The following ASTN2 variants were observed in gnomAD, a reference collection of about 807,000 sequenced individuals.
The protein encoded by ASTN2 is astrotactin 2, also known as astrotactin-2.
Under a neutral mutation model 139.8 loss-of-function variants are expected in ASTN2, and 54 were observed. That is an observed-to-expected ratio of 0.39 (90% CI 0.31 to 0.48). The LOEUF is 0.48. Ranked by LOEUF, ASTN2 falls within the 20% of genes least tolerant of loss-of-function variation. The pLI is 0.95. For missense variants in ASTN2, 1,565 were observed against 1,725.1 expected, an observed-to-expected ratio of 0.91 and a Z score of 1.64; for synonymous variants, 756 against 719.5, an observed-to-expected ratio of 1.05 and a Z score of -0.81.
chr9:116,897,147 G>C (rs1281147863), intron 10 of ASTN2, among the ~76,000 whole-genome samples: 1 of 152,218 alleles, frequency 6.6e-6, no homozygotes, highest in Non-Finnish European at 1.5e-5. Flanking sequence ...CAGGCAGACA[G>C]ATTTAGGTGC....
intron 3 of ASTN2, among the ~76,000 whole-genome samples, chr9:117,193,838 A>G (rs1831416737): frequency 6.6e-6 from 1 of 152,072 alleles, no homozygotes. Context: ...GGCACAGTCA[A>G]ATGGGAGCTG....
chr9:116,439,482 G>GTTTTCT (rs1847776558), intron 22 of ASTN2, among the ~76,000 whole-genome samples: 18 of 139,856 alleles, frequency 1.3e-4, no homozygotes, highest in African/African-American at 5.1e-4. Flanking sequence ...TTACAGGCGT[G>GTTTTCT]AGCCACCGCG....
chr9:117,122,679 G>C (rs1169085873), intron 4 of ASTN2, among the ~76,000 whole-genome samples: 1 of 152,124 alleles, frequency 6.6e-6, no homozygotes, highest in Non-Finnish European at 1.5e-5. Context: ...CCTCCCTTTT[G>C]CTTGTTCAAC....
At chr9:116,524,759 GT>G in intron 19 of ASTN2, among the ~76,000 whole-genome samples, 1 of 152,320 alleles carries the variant, frequency 6.6e-6, no homozygotes, top group East Asian at 1.9e-4. Context: ...TCACATGAAA[GT>G]TGGCATTCCT....
intron 13 of ASTN2, among the ~76,000 whole-genome samples, chr9:116,760,659 G>A (rs1243223674): frequency 6.6e-6 from 1 of 152,044 alleles, no homozygotes; most frequent in Non-Finnish European, 1.5e-5. Flanking sequence ...TCTAGATTGT[G>A]CCTGGGGAAG....
intron 5 of ASTN2, among the ~76,000 whole-genome samples, chr9:117,077,612 G>T (rs1828314951): frequency 6.6e-6 from 1 of 152,144 alleles, no homozygotes; most frequent in African/African-American, 2.4e-5. Context: ...GGAAGCCATG[G>T]TGGCAAGCAC....
At chr9:117,037,170 G>A (rs747281990) in intron 6 of ASTN2, among the ~76,000 whole-genome samples, 4 of 151,986 alleles carry the variant, frequency 2.6e-5, no homozygotes, top group Non-Finnish European at 4.4e-5. Flanking sequence ...TGCCCTCACA[G>A]AGATTCCAGT....
chr9:116,811,008 TTCTTTTA>T (rs1369716943), intron 12 of ASTN2, among the ~76,000 whole-genome samples: 2 of 152,180 alleles, frequency 1.3e-5, no homozygotes, highest in African/African-American at 2.4e-5. Context: ...CTCATTAAAT[TTCTTTTA>T]TCTTTTATGT....
chr9:116,981,885 T>C (rs894820529), intron 7 of ASTN2, among the ~76,000 whole-genome samples: 2 of 152,222 alleles, frequency 1.3e-5, no homozygotes, highest in Admixed American at 6.5e-5. Context: ...GGGAATTCAA[T>C]TGGATGGTTT....
At chr9:116,703,525 A>G (rs1467628407) in intron 16 of ASTN2, among the ~76,000 whole-genome samples, 1 of 144,766 alleles carries the variant, frequency 6.9e-6, no homozygotes, top group Non-Finnish European at 1.5e-5. Context: ...GAATTGAACA[A>G]TGAGATCACA....
chr9:117,090,394 G>T (rs527688920), intron 5 of ASTN2, among the ~76,000 whole-genome samples: 2 of 152,128 alleles, frequency 1.3e-5, no homozygotes, highest in South Asian at 4.2e-4. Context: ...GATGGCTACA[G>T]TTCTGTGCTT....
At chr9:117,317,673 G>A (rs952925485) in intron 1 of ASTN2, among the ~76,000 whole-genome samples, 2 of 152,142 alleles carry the variant, frequency 1.3e-5, no homozygotes, top group African/African-American at 4.8e-5. Flanking sequence ...AAGTGCCCCT[G>A]GGAGTCTGTA....
intron 5 of ASTN2, among the ~76,000 whole-genome samples, chr9:117,066,563 T>A (rs1827950736): frequency 6.6e-6 from 1 of 150,548 alleles, no homozygotes; most frequent in African/African-American, 2.4e-5. Flanking sequence ...CAAATGGTAT[T>A]TCTAGTTCTA....
intron 2 of ASTN2, among the ~76,000 whole-genome samples, chr9:117,241,883 G>A (rs1020018015): frequency 2.0e-5 from 3 of 150,364 alleles, no homozygotes; most frequent in African/African-American, 7.3e-5. Flanking sequence ...TCAGCCAATT[G>A]TCACCATCCA....
chr9:116,966,147 C>T (rs1836005443), intron 10 of ASTN2, among the ~76,000 whole-genome samples: 1 of 152,174 alleles, frequency 6.6e-6, no homozygotes, highest in Non-Finnish European at 1.5e-5. Context: ...CATCAGAAGT[C>T]CCCTTTTAAA....
rs7856949 is a variant in ASTN2 at position 117,214,734 on chromosome 9, G to T, written c.639C>A (p.Leu213=). Residue 213 remains leucine, a synonymous_variant, in exon 3 of 23, where the codon CTC becomes CTA. Transcript: ENST00000313400. The part of the protein sequence containing the change: ...HILHISVMGG[L]IALLLLLLVF... ...CCAGCAGCAGCAGCAGCAGCGCGAT[G>T]AGGCCACCCTGGAGCAGGAAGGAAG... 3.2e-5 allele frequency: 48 copies of T among 1,501,958 alleles called. No homozygotes were observed. In the African/African-American group the frequency reaches 6.1e-4, roughly 19 times the overall value. 93.0% of individuals were successfully genotyped at this position (1,501,958 alleles called of 1,614,324 possible).
chr9:117,380,952 C>G (rs1587997505), intron 1 of ASTN2, among the ~76,000 whole-genome samples: 1 of 152,232 alleles, frequency 6.6e-6, no homozygotes, highest in East Asian at 1.9e-4. Context: ...AACTTGTACA[C>G]AAATGTTTAT....
chr9:117,068,794 G>A (rs201832265), intron 5 of ASTN2, among the ~76,000 whole-genome samples: 32,444 of 129,826 alleles, frequency 0.25, 5,574 homozygotes, highest in Middle Eastern at 0.41. Flanking sequence ...GTTTATTTGC[G>A]TACAGGTGTT....
intron 6 of ASTN2, among the ~76,000 whole-genome samples, chr9:117,022,782 T>G (rs542740978): frequency 6.6e-6 from 1 of 152,154 alleles, no homozygotes; most frequent in Non-Finnish European, 1.5e-5. Flanking sequence ...GATAGTTAAA[T>G]GTGCTGGCTG....
Sources: allele counts gnomAD v4.1 joint callset (sites outside exome capture counted in the v4.1 genomes callset), GRCh38; gene constraint gnomAD v4.1.1; transcripts MANE v1.5; gene names NCBI Gene and HGNC (gene_info 2026-07-23, HGNC 2026-07-21).